The following NDUFA5 variants were observed in gnomAD, a reference collection of about 807,000 sequenced individuals.
NDUFA5 encodes the protein NADH:ubiquinone oxidoreductase subunit A5.
NDUFA5 carries 11 observed loss-of-function variants against 19.8 expected under a neutral mutation model. The observed-to-expected ratio is 0.56, with a 90% CI of 0.35 to 0.92. The LOEUF is 0.92. Among genes scored for constraint, NDUFA5 ranks in the 40% least tolerant of loss-of-function variants. The pLI is 0.01. For synonymous variants in NDUFA5, 47 were observed against 46.8 expected, an observed-to-expected ratio of 1.00 and a Z score of -0.01; for missense variants, 109 against 134.2, an observed-to-expected ratio of 0.81 and a Z score of 0.93.
At chr7:123,581,492 C>T in the NDUFA5 span, among the ~76,000 whole-genome samples, 2 of 150,766 alleles carry the variant, frequency 1.3e-5, no homozygotes, top group African/African-American at 2.4e-5. Flanking sequence ...CAACTTAAGT[C>T]CTAAGGGCAC....
chr7:123,590,127 A>T, the NDUFA5 span, among the ~76,000 whole-genome samples: 3 of 152,092 alleles, frequency 2.0e-5, no homozygotes, highest in African/African-American at 7.2e-5. Flanking sequence ...TCTTTTGAGA[A>T]GTGTCTGTTC....
the NDUFA5 span, among the ~76,000 whole-genome samples, chr7:123,566,240 G>A: frequency 6.6e-6 from 1 of 152,104 alleles, no homozygotes; most frequent in South Asian, 2.1e-4. Context: ...GACCACCAAA[G>A]ATTGCCCCCA....
chr7:123,593,709 C>T, the NDUFA5 span, among the ~76,000 whole-genome samples: 1 of 152,150 alleles, frequency 6.6e-6, no homozygotes, highest in Non-Finnish European at 1.5e-5. Flanking sequence ...CTGCCCTTAA[C>T]ATTTTTTCCT....
intron 4 of NDUFA5, among the ~76,000 whole-genome samples, 180 bp downstream of exon 4, chr7:123,545,431 A>G (rs145074226): frequency 5.1e-4 from 77 of 152,262 alleles, no homozygotes; most frequent in African/African-American, 1.8e-3. Context: ...TCATGCTATA[A>G]TCAACAATAA....
At chr7:123,591,082 A>G in the NDUFA5 span, among the ~76,000 whole-genome samples, 5 of 152,288 alleles carry the variant, frequency 3.3e-5, no homozygotes, top group Non-Finnish European at 5.9e-5. Flanking sequence ...GAGTTCACTC[A>G]TAATTTGGCT....
At chr7:123,597,247 C>T in the NDUFA5 span, among the ~76,000 whole-genome samples, 58 of 152,148 alleles carry the variant, frequency 3.8e-4, no homozygotes, top group Middle Eastern at 3.2e-3. Context: ...GCATATGTCA[C>T]CAGCCTATCT....
Position 123,549,239 on chromosome 7 carries a change from A to G in NDUFA5, c.183+1231T>C, listed in dbSNP as rs556714205. On this transcript the variant is annotated intron_variant, in intron 3 of 4. Coordinates refer to ENST00000355749, the MANE Select transcript of NDUFA5 (RefSeq NM_005000.5). Reference sequence around the variant, plus strand: ...TTATTGGCTGTATGGTGGAGCATGTAATGAAGTATAATGGAAGTACAAACA... The same window carrying G: ...TTATTGGCTGTATGGTGGAGCATGTGATGAAGTATAATGGAAGTACAAACA... 2.0e-5 allele frequency among the ~76,000 whole-genome samples: 3 copies of G among 151,436 alleles called. No homozygotes were observed. In the South Asian group the frequency reaches 6.2e-4, roughly 32 times the overall value.
chr7:123,552,486 G>A (rs987599106), intron 2 of NDUFA5, among the ~76,000 whole-genome samples: 1 of 151,984 alleles, frequency 6.6e-6, no homozygotes, highest in Non-Finnish European at 1.5e-5. Flanking sequence ...GGGCCTGTCA[G>A]TGGGTGGGGG....
At chr7:123,591,005 G>C in the NDUFA5 span, among the ~76,000 whole-genome samples, 2 of 152,194 alleles carry the variant, frequency 1.3e-5, no homozygotes, top group African/African-American at 4.8e-5. Context: ...TCCTTGAAGA[G>C]GTCCTTCACG....
intron 1 of NDUFA5, 21 bp from the exon 2 acceptor site, chr7:123,557,469 A>C: frequency 6.2e-7 from 1 of 1,612,798 alleles, no homozygotes; most frequent in Non-Finnish European, 8.5e-7. Context: ...ACAAAACACG[A>C]TTCATGCTGT....
At chr7:123,590,890 A>T in the NDUFA5 span, among the ~76,000 whole-genome samples, 1 of 152,156 alleles carries the variant, frequency 6.6e-6, no homozygotes, top group South Asian at 2.1e-4. Context: ...TACCTTGGGC[A>T]GTATGGCCAT....
chr7:123,540,549 T>C lies in NDUFA5; in HGVS notation c.*1570A>G, dbSNP rs1351728930. On this transcript the variant is annotated 3_prime_UTR_variant, in exon 5 of 5. Coordinates refer to ENST00000355749, the MANE Select transcript of NDUFA5 (RefSeq NM_005000.5). ...ATCATGTTTTAATAAATATATTATA[T>C]ATTCAAGAAATGTTTAGAACTGAAA... 1 of 152,312 alleles carries C rather than the reference T, an allele frequency of 6.6e-6. No individual in the cohort carries two copies. Among genetic ancestry groups the C allele is most frequent in the South Asian group, 2.1e-4 (1 of 4,830 alleles). 9.4% of individuals were successfully genotyped at this position (152,312 alleles called of 1,614,324 possible).
At chr7:123,560,855 TG>T (rs1226240498), upstream of NDUFA5, among the ~76,000 whole-genome samples, 1 of 152,162 alleles carries the variant, frequency 6.6e-6, no homozygotes, top group East Asian at 1.9e-4. Context: ...ATATGAAATC[TG>T]GGGGACATAG....
At chr7:123,574,133 T>C in the NDUFA5 span, among the ~76,000 whole-genome samples, 1 of 152,098 alleles carries the variant, frequency 6.6e-6, no homozygotes, top group Non-Finnish European at 1.5e-5. Context: ...TGCCAAAATG[T>C]TTTTTAGAAT....
the NDUFA5 span, among the ~76,000 whole-genome samples, chr7:123,599,270 A>G: frequency 6.6e-6 from 1 of 152,212 alleles, no homozygotes; most frequent in African/African-American, 2.4e-5. Context: ...AAAAAAACAC[A>G]CAAAACAAAC....
rs143341358 is a variant in NDUFA5, at chr7:123,548,999, G to A, written c.183+1471C>T. The stretch of plus-strand genomic sequence containing the variant: ...AAAATACAGTATAACTACTTACACA[G>A]CATTACATTGTAGTATTATAAGTAA... On this transcript the variant is annotated intron_variant, in intron 3 of 4. Transcript: ENST00000355749. 1.3e-3 allele frequency among the ~76,000 whole-genome samples: 194 copies of A among 146,150 alleles called. 1 individual carries two copies. Among genetic ancestry groups the A allele is most frequent in the African/African-American group, 4.5e-3 (178 of 39,850 alleles).
At chr7:123,545,504 T>C in intron 4 of NDUFA5, 107 bp downstream of exon 4, 1 of 828,046 alleles carries the variant, frequency 1.2e-6, no homozygotes, top group East Asian at 2.5e-5. Flanking sequence ...GTCTTACATA[T>C]TTGACGAGTT....
At chr7:123,558,089 A>T, upstream of NDUFA5, 1 of 536,904 alleles carries the variant, frequency 1.9e-6, no homozygotes, top group Non-Finnish European at 3.3e-6. Context: ...AGATTGAGGG[A>T]AACACTCCCA....
intron 2 of NDUFA5, among the ~76,000 whole-genome samples, chr7:123,554,405 A>C (rs1291722632): frequency 6.6e-6 from 1 of 152,120 alleles, no homozygotes; most frequent in Non-Finnish European, 1.5e-5. Context: ...CCCTTTACCC[A>C]TCCGTGGTTT....
Sources: allele counts gnomAD v4.1 joint callset (sites outside exome capture counted in the v4.1 genomes callset), GRCh38; gene constraint gnomAD v4.1.1; transcripts MANE v1.5; gene names NCBI Gene and HGNC (gene_info 2026-07-23, HGNC 2026-07-21).